CUL4A: variants seen among roughly 807,000 people sequenced by gnomAD.
The protein encoded by CUL4A is cullin 4A, also known as cullin-4A.
Under a neutral mutation model 95.5 loss-of-function variants are expected in CUL4A, and 16 were observed. The ratio of observed to expected loss-of-function variants is 0.17; its 90% CI spans 0.11 to 0.25. The LOEUF (loss-of-function observed/expected upper bound fraction) is 0.25. Ranked by LOEUF, CUL4A falls within the 10% of genes least tolerant of loss-of-function variation. CUL4A has a pLI of 1.00. For missense variants in CUL4A, 610 were observed against 937.0 expected (o/e 0.65, Z 4.56); for synonymous variants, 380 against 353.1 (o/e 1.08, Z -0.85).
rs775468322 is a variant in CUL4A at position 113,244,435 on chromosome 13, A to G, written c.1254A>G (p.Arg418=). 1.9e-5 allele frequency: 31 copies of G among 1,613,568 alleles called. No individual in the cohort carries two copies. Among genetic ancestry groups the G allele is most frequent in the Non-Finnish European group, 2.5e-5 (30 of 1,179,836 alleles). ...LIAKHVDSKL[R]AGNKEATDEE... Reference sequence around the variant, plus strand: ...CAAAGCATGTGGATTCAAAGTTAAGAGCAGGCAACAAAGAAGCCACAGACG... The same window carrying G: ...CAAAGCATGTGGATTCAAAGTTAAGGGCAGGCAACAAAGAAGCCACAGACG... Residue 418 remains arginine (R), a synonymous_variant, in exon 12 of 20, where the codon AGA becomes AGG. Coordinates refer to ENST00000375440, the MANE Select transcript of CUL4A (RefSeq NM_001008895.4).
At chr13:113,208,607 G>A (rs749908696), upstream of CUL4A, 12 of 1,609,110 alleles carry the variant, frequency 7.5e-6, no homozygotes, top group Admixed American at 3.3e-5. Flanking sequence ...ACCTGCTGCA[G>A]GTACTGGTTA....
chr13:113,227,059 A>G (rs574016809), intron 3 of CUL4A, among the ~76,000 whole-genome samples: 153 of 152,234 alleles, frequency 1.0e-3, no homozygotes, highest in African/African-American at 3.4e-3. Flanking sequence ...GGAGAGGATG[A>G]AGGGAGGCTG....
intron 10 of CUL4A, among the ~76,000 whole-genome samples, chr13:113,240,053 C>T (rs765975651): frequency 7.2e-5 from 11 of 152,216 alleles, no homozygotes; most frequent in South Asian, 6.2e-4. Flanking sequence ...CCCTAACAAG[C>T]CCAGTCCAAC....
upstream of CUL4A, chr13:113,209,483 G>C (rs1475390637): frequency 2.5e-5 from 8 of 315,562 alleles, no homozygotes; most frequent in Non-Finnish European, 3.2e-5. Flanking sequence ...AGCCGGGCGC[G>C]GCGGCGGTTG....
intron 9 of CUL4A, among the ~76,000 whole-genome samples, chr13:113,237,669 T>TA (rs2041590935): frequency 2.0e-5 from 3 of 152,238 alleles, no homozygotes; most frequent in Admixed American, 6.5e-5. Context: ...CTTCTGAAAG[T>TA]CATTTTAAAT....
At chr13:113,262,834 C>T (rs996968410) in intron 19 of CUL4A, 9 of 145,584 alleles carry the variant, frequency 6.2e-5, no homozygotes, top group African/African-American at 1.5e-4. Context: ...TTATACGTGC[C>T]CTTGCTGATG....
Position 113,233,729 on chromosome 13 carries a change from C to T in CUL4A, c.676-168C>T, listed in dbSNP as rs139978244. On this transcript the variant is annotated intron_variant, in intron 6 of 19. Coordinates refer to ENST00000375440, the MANE Select transcript of CUL4A (RefSeq NM_001008895.4). ...ACTATAGGAAGAGAACAGAGGAGGG[C>T]CTGCCCGGCCGTTTTGGGAAGGACA... is the stretch of plus-strand genomic sequence containing the variant. Among the ~76,000 whole-genome samples, 787 of 152,304 alleles carry T rather than the reference C, an allele frequency of 5.2e-3. 4 individuals carry two copies. The highest frequency in any genetic ancestry group is 0.024 in the Middle Eastern group (7 of 294).
At position 113,209,990 on chromosome 13, in the gene CUL4A, G is replaced by A. The variant is rs1310264241; in HGVS notation, c.166G>A (p.Asp56Asn). Residue 56 changes from aspartate (D) to asparagine (N), a missense_variant, in exon 2 of 20, where the codon GAC (aspartate) becomes AAC (asparagine). This residue lies in a region of CUL4A where 168 missense variants were observed against 185.5 expected (regional missense o/e 0.91). Coordinates refer to ENST00000375440, the MANE Select transcript of CUL4A (RefSeq NM_001008895.4). ...CCCTGCAGACAGACCTCGGCTGCCC[G>A]ACAACTACACGCAGGACACGTGGCG... ...KNFRDRPRLP[D>N]NYTQDTWRKL... 1.3e-6 allele frequency: 2 copies of A among 1,514,788 alleles called. No homozygotes were observed. Among genetic ancestry groups the A allele is most frequent in the Middle Eastern group, 2.1e-4 (1 of 4,850 alleles). 93.8% of individuals were successfully genotyped at this position (1,514,788 alleles called of 1,614,324 possible).
chr13:113,221,865 C>G lies in CUL4A; in HGVS notation c.368+2817C>G, dbSNP rs117212593. 0.016 allele frequency among the ~76,000 whole-genome samples: 2,378 copies of G among 152,290 alleles called. 161 individuals are homozygous for G. In the East Asian group the frequency reaches 0.21, roughly 13 times the overall value. On this transcript the variant is annotated intron_variant, in intron 3 of 19. Coordinates refer to ENST00000375440, the MANE Select transcript of CUL4A (RefSeq NM_001008895.4). ...TGCTGGGATTACAGGCGTGAGCCAC[C>G]GCGTCTGGCCTGTGATAAGGGTTTT...
chr13:113,229,559 G>C (rs961955825), intron 5 of CUL4A, 40 bp downstream of exon 5: 3 of 1,542,688 alleles, frequency 1.9e-6, no homozygotes, highest in East Asian at 4.5e-5. Flanking sequence ...CTTCCCTGCA[G>C]CTGATGCTTT....
In CUL4A at chr13:113,233,012, C is replaced by A; in HGVS notation, c.513-165C>A. ...GGAAGGAAATACAAGGCGCGCTAGA[C>A]TGGCTGAGAAACAGAAGTTTTTAAA... On this transcript the variant is annotated intron_variant, in intron 5 of 19. Transcript: ENST00000375440. 3 of 699,926 alleles carry A rather than the reference C, an allele frequency of 4.3e-6. No individual in the cohort carries two copies. The South Asian group carries it at 6.1e-5, about 14-fold the overall frequency. 43.4% of individuals were successfully genotyped at this position (699,926 alleles called of 1,614,324 possible). A position where few individuals can be genotyped will look rare whatever the true frequency, so the allele number is the denominator to read the frequency against.
At chr13:113,218,735 C>G (rs529275436) in intron 2 of CUL4A, among the ~76,000 whole-genome samples, 40 of 152,330 alleles carry the variant, frequency 2.6e-4, no homozygotes, top group African/African-American at 8.4e-4. Context: ...TACCTCTACC[C>G]CCATGCCAAC....
chr13:113,215,289 A>G (rs138990626), intron 2 of CUL4A, among the ~76,000 whole-genome samples: 20 of 135,180 alleles, frequency 1.5e-4, no homozygotes, highest in Admixed American at 3.7e-4. Context: ...GGAGGTCGCT[A>G]TGTGACTATG....
At position 113,264,308 on chromosome 13, in the gene CUL4A, C is replaced by G. The variant is rs1472221996; in HGVS notation, c.*726C>G. ...GGGCTAGTGTGTTTGTGTTTCCATTCTAAGATTGAGTCTGGCAGTCCCTGT... is the reference window on the plus strand; with the variant it reads ...GGGCTAGTGTGTTTGTGTTTCCATTGTAAGATTGAGTCTGGCAGTCCCTGT... On this transcript the variant is annotated 3_prime_UTR_variant, in exon 20 of 20. Coordinates refer to ENST00000375440, the MANE Select transcript of CUL4A (RefSeq NM_001008895.4). The G allele has an allele frequency of 6.6e-6, 1 of 152,104 alleles. No individual in the cohort carries two copies. The highest frequency in any genetic ancestry group is 2.4e-5 in the African/African-American group (1 of 41,420). 9.4% of individuals were successfully genotyped at this position (152,104 alleles called of 1,614,324 possible). A position where few individuals can be genotyped will look rare whatever the true frequency, so the allele number is the denominator to read the frequency against.
chr13:113,244,437 C>T lies in CUL4A; in HGVS notation c.1256C>T (p.Ala419Val). The change falls in exon 12 of 20, where the codon GCA (alanine) becomes GTA (valine). Residue 419 changes from alanine to valine, a missense_variant. Around this residue, in one of 10 missense-constraint regions of CUL4A, gnomAD observed 153 missense variants for 244.5 expected, o/e 0.63. Coordinates refer to ENST00000375440, the MANE Select transcript of CUL4A (RefSeq NM_001008895.4). Reference sequence around the variant, plus strand: ...AAGCATGTGGATTCAAAGTTAAGAGCAGGCAACAAAGAAGCCACAGACGAG... The same window carrying T: ...AAGCATGTGGATTCAAAGTTAAGAGTAGGCAACAAAGAAGCCACAGACGAG... ...IAKHVDSKLR[A>V]GNKEATDEEL... The T allele has an allele frequency of 6.2e-7, 1 of 1,613,530 alleles. No individual in the cohort carries two copies. The highest frequency in any genetic ancestry group is 8.5e-7 in the Non-Finnish European group (1 of 1,179,792).
chr13:113,222,935 G>C (rs1005797769), intron 3 of CUL4A, among the ~76,000 whole-genome samples: 2 of 152,212 alleles, frequency 1.3e-5, no homozygotes, highest in Middle Eastern at 3.4e-3. Context: ...GAGAGGAGGT[G>C]GATGAGGGCT....
chr13:113,211,232 C>G (rs1010469578), intron 2 of CUL4A, among the ~76,000 whole-genome samples: 5 of 152,248 alleles, frequency 3.3e-5, no homozygotes, highest in Admixed American at 3.3e-4. Context: ...ATTTCATAGT[C>G]TTTTGTATCT....
intron 2 of CUL4A, among the ~76,000 whole-genome samples, chr13:113,213,503 CTCTCAGAGG>C: frequency 1.3e-5 from 2 of 152,058 alleles, no homozygotes; most frequent in African/African-American, 2.4e-5. Flanking sequence ...CCCACCTGAA[CTCTCAGAGG>C]TCTTTGGTTT....
chr13:113,254,728 A>T lies in CUL4A; in HGVS notation c.1788A>T (p.Thr596=). Residue 596 remains threonine, a synonymous_variant, in exon 17 of 20, where the codon ACA becomes ACT. Transcript: ENST00000375440. The stretch of plus-strand genomic sequence containing the variant: ...AATTCCAGGTGTCCCTCTTCCAGAC[A>T]CTGGTGCTCCTCATGTTCAACGAGG... ...KKEFQVSLFQ[T]LVLLMFNEGD... The T allele has an allele frequency of 2.5e-6, 4 of 1,612,944 alleles. No homozygotes were observed. Among genetic ancestry groups the T allele is most frequent in the Non-Finnish European group, 3.4e-6 (4 of 1,179,710 alleles).
Sources: gnomAD v4.1 joint callset for allele counts (sites outside exome capture counted in the v4.1 genomes callset) on GRCh38, gnomAD v4.1.1 for gene constraint, gnomAD v4.1.1 regional missense constraint, MANE v1.5 for transcripts, NCBI Gene and HGNC (gene_info 2026-07-23, HGNC 2026-07-21) for gene names.